The following PALLD variants were observed in gnomAD, a reference collection of about 807,000 sequenced individuals.
The protein encoded by PALLD is palladin.
PALLD carries 61 observed loss-of-function variants against 123.5 expected under a neutral mutation model. The observed-to-expected ratio is 0.49, with a 90% confidence interval of 0.40 to 0.61. The LOEUF is 0.61. Among genes scored for constraint, PALLD ranks in the 20% least tolerant of loss-of-function variants. PALLD has a pLI of 0.00. For missense variants in PALLD, 1,273 were observed against 1,377.0 expected, an observed-to-expected ratio of 0.92 and a Z score of 1.20; for synonymous variants, 465 against 496.4, an observed-to-expected ratio of 0.94 and a Z score of 0.84.
chr4:168,541,443 T>TTTTATTTA (rs60488300), intron 2 of PALLD, among the ~76,000 whole-genome samples: 1,523 of 147,728 alleles, frequency 0.01, 10 homozygotes, highest in African/African-American at 0.014. Context: ...CTCTCACTCA[T>TTTTATTTA]TTTATTTATT....
At chr4:168,615,066 A>G (rs1774091788) in intron 2 of PALLD, among the ~76,000 whole-genome samples, 2 of 152,202 alleles carry the variant, frequency 1.3e-5, no homozygotes, top group South Asian at 4.1e-4. Flanking sequence ...GAAATAGGCT[A>G]AGGGAATAAA....
At chr4:168,867,164 G>A (rs905973164) in intron 10 of PALLD, among the ~76,000 whole-genome samples, 4 of 152,154 alleles carry the variant, frequency 2.6e-5, no homozygotes, top group African/African-American at 9.7e-5. Context: ...TAATAAAAGT[G>A]GCCTCTCTCC....
intron 10 of PALLD, among the ~76,000 whole-genome samples, chr4:168,847,441 G>A (rs1278553889): frequency 1.3e-5 from 2 of 152,178 alleles, no homozygotes; most frequent in Non-Finnish European, 2.9e-5. Flanking sequence ...CAAGATCACT[G>A]AGGGAAAATG....
chr4:168,618,857 G>A (rs1050043029), intron 2 of PALLD, among the ~76,000 whole-genome samples: 2 of 152,162 alleles, frequency 1.3e-5, no homozygotes, highest in South Asian at 2.1e-4. Flanking sequence ...TGGCGTCACC[G>A]ATTAGGTCCT....
chr4:168,849,100 T>G (rs981234143), intron 10 of PALLD, among the ~76,000 whole-genome samples: 1 of 152,188 alleles, frequency 6.6e-6, no homozygotes, highest in Non-Finnish European at 1.5e-5. Context: ...CATAAATTAG[T>G]CTTAGTATAT....
chr4:168,793,054 G>A (rs62334304), intron 10 of PALLD, among the ~76,000 whole-genome samples: 23,212 of 150,432 alleles, frequency 0.15, 1,940 homozygotes, highest in East Asian at 0.22. Context: ...GGAGTGGGGC[G>A]TATTTTTAAA....
At chr4:168,565,691 T>C (rs901990745) in intron 2 of PALLD, among the ~76,000 whole-genome samples, 2 of 152,160 alleles carry the variant, frequency 1.3e-5, no homozygotes, top group African/African-American at 4.8e-5. Flanking sequence ...AGAAGCTCAA[T>C]TCTGCTTCAT....
At chr4:168,576,356 G>C (rs918858592) in intron 2 of PALLD, among the ~76,000 whole-genome samples, 1 of 151,902 alleles carries the variant, frequency 6.6e-6, no homozygotes, top group African/African-American at 2.4e-5. Flanking sequence ...TTTAACATTA[G>C]GTATATCTCC....
At chr4:168,576,079 A>G (rs1339028914) in intron 2 of PALLD, among the ~76,000 whole-genome samples, 1 of 152,162 alleles carries the variant, frequency 6.6e-6, no homozygotes, top group Non-Finnish European at 1.5e-5. Context: ...TGTCTAAAAC[A>G]TATGTGAGTT....
chr4:168,509,393 A>G (rs1762320407), intron 1 of PALLD, among the ~76,000 whole-genome samples: 1 of 152,174 alleles, frequency 6.6e-6, no homozygotes. Flanking sequence ...GCTCAAATAC[A>G]TGTTATTTGA....
intron 10 of PALLD, among the ~76,000 whole-genome samples, chr4:168,838,456 G>A (rs1446088303): frequency 5.3e-5 from 8 of 151,996 alleles, no homozygotes; most frequent in Admixed American, 6.6e-5. Context: ...GGGGAGCGAG[G>A]GTCGGGGAGG....
At chr4:168,693,222 G>A (rs1442771827) in intron 8 of PALLD, among the ~76,000 whole-genome samples, 1 of 149,626 alleles carries the variant, frequency 6.7e-6, no homozygotes. Context: ...TCTCCCCTGC[G>A]CCCTGCATCT....
rs56865130 is a variant in PALLD at position 168,741,345 on chromosome 4, T to TGTGTGTGTGTGTGTG, written c.1964+29422_1964+29423insGTGTGTGTGTGTGTG. Among the ~76,000 whole-genome samples the TGTGTGTGTGTGTGTG allele has an allele frequency of 4.2e-3, 376 of 89,996 alleles. 1 individual carries two copies. The highest frequency in any genetic ancestry group is 9.7e-3 in the African/African-American group (341 of 35,324). The allele number at this position is 89,996 out of a possible 152,430, so 59.0% of individuals were successfully genotyped here. On this transcript the variant is annotated intron_variant, in intron 10 of 21. Transcript: ENST00000505667. ...AACATTCCTTCCTTATATTTGTTTT[T>TGTGTGTGTGTGTGTG]TTTGTGTGTGTGTGTGTGTGTGATC...
At chr4:168,528,896 G>A (rs1764325674) in intron 2 of PALLD, among the ~76,000 whole-genome samples, 1 of 152,022 alleles carries the variant, frequency 6.6e-6, no homozygotes, top group Non-Finnish European at 1.5e-5. Flanking sequence ...ACTCTAATGA[G>A]AACAAAGAAT....
intron 10 of PALLD, among the ~76,000 whole-genome samples, chr4:168,717,928 C>T (rs1027858226): frequency 6.6e-6 from 1 of 152,118 alleles, no homozygotes; most frequent in Non-Finnish European, 1.5e-5. Context: ...ATGAGACATT[C>T]GGAAGGACTA....
chr4:168,904,206 T>TA (rs1209289011), intron 15 of PALLD: 6 of 337,978 alleles, frequency 1.8e-5, no homozygotes, highest in East Asian at 1.2e-4. Flanking sequence ...AGTCCTATGG[T>TA]AAAAAATAAG....
At chr4:168,882,736 G>A (rs565367901) in intron 10 of PALLD, among the ~76,000 whole-genome samples, 1 of 152,178 alleles carries the variant, frequency 6.6e-6, no homozygotes, top group African/African-American at 2.4e-5. Context: ...AGTAGGCAAG[G>A]CCTCCAGGAT....
chr4:168,743,111 A>T (rs1448848571), intron 10 of PALLD, among the ~76,000 whole-genome samples: 1 of 152,018 alleles, frequency 6.6e-6, no homozygotes, highest in Non-Finnish European at 1.5e-5. Flanking sequence ...GATAACTCTC[A>T]CGCAATTACT....
intron 2 of PALLD, among the ~76,000 whole-genome samples, chr4:168,607,589 T>A (rs1773312897): frequency 6.6e-6 from 1 of 152,212 alleles, no homozygotes; most frequent in South Asian, 2.1e-4. Context: ...ACCTGTGTTA[T>A]TGGCACTTTT....
Sources: gnomAD v4.1 joint callset for allele counts (sites outside exome capture counted in the v4.1 genomes callset) on GRCh38, gnomAD v4.1.1 for gene constraint, MANE v1.5 for transcripts, NCBI Gene and HGNC (gene_info 2026-07-23, HGNC 2026-07-21) for gene names.